ZNF791: variants seen among roughly 807,000 people sequenced by gnomAD.
ZNF791 encodes the protein zinc finger protein 791.
A neutral mutation model predicts 11.5 loss-of-function variants in ZNF791; 4 were observed. That is an observed-to-expected ratio of 0.35 (90% CI 0.17 to 0.80). ZNF791 has a LOEUF of 0.80. Among genes scored for constraint, ZNF791 ranks in the 30% least tolerant of loss-of-function variants. The probability of loss-of-function intolerance (pLI) is 0.53; values close to 1 mark genes in which losing one functional copy is unlikely to be tolerated. For missense variants in ZNF791, 559 were observed against 699.4 expected (o/e 0.80, Z 2.26); for synonymous variants, 212 against 228.1 (o/e 0.93, Z 0.64).
chr19:12,613,159 C>T (rs908935886), intron 1 of ZNF791, among the ~76,000 whole-genome samples: 2 of 151,532 alleles, frequency 1.3e-5, no homozygotes, highest in Admixed American at 6.6e-5. Context: ...GGGGTTTCAC[C>T]ATGTTGGCCA....
chr19:12,611,498 G>T (rs1377637737), intron 1 of ZNF791, among the ~76,000 whole-genome samples: 1 of 152,124 alleles, frequency 6.6e-6, no homozygotes, highest in African/African-American at 2.4e-5. Flanking sequence ...TTAATCCCTA[G>T]ATTTCCGGAT....
rs761895024 is a variant in ZNF791 at position 12,630,155 on chromosome 19, C to CAAA, written c.*911_*913dup. Reference sequence around the variant, plus strand: ...AGCATGGGTGACAGTGAGACTGTATCAAAAAAAAAAAAAAAAAATTGGCTG... The same window carrying CAAA: ...AGCATGGGTGACAGTGAGACTGTATCAAAAAAAAAAAAAAAAAAAAATTGGCTG... On this transcript the variant is annotated 3_prime_UTR_variant, in exon 4 of 4. Coordinates refer to ENST00000343325, the MANE Select transcript of ZNF791 (RefSeq NM_153358.3). 28,659 of 117,768 alleles carry CAAA rather than the reference C, an allele frequency of 0.24. 3,358 individuals carry two copies. The highest frequency in any genetic ancestry group is 0.29 in the Non-Finnish European group (16,400 of 55,986). 7.3% of individuals were successfully genotyped at this position (117,768 alleles called of 1,614,324 possible).
chr19:12,629,862 CA>C lies in ZNF791; in HGVS notation c.*623del, dbSNP rs917137699. The stretch of plus-strand genomic sequence containing the variant: ...CGGCCAACAGAGCGAGACTCTGTCT[CA>C]AAAAAAAAAAAAAAAAAAAAGTACA... On this transcript the variant is annotated 3_prime_UTR_variant, in exon 4 of 4. Transcript: ENST00000343325. The C allele has an allele frequency of 0.036, 2,046 of 56,878 alleles. 14 individuals are homozygous for C. Among genetic ancestry groups the C allele is most frequent in the African/African-American group, 0.055 (825 of 14,938 alleles). The allele number at this position is 56,878 out of a possible 1,614,324, so 3.5% of individuals were successfully genotyped here.
intron 3 of ZNF791, among the ~76,000 whole-genome samples, chr19:12,625,752 TC>T (rs1318604659): frequency 2.2e-5 from 3 of 136,176 alleles, no homozygotes; most frequent in African/African-American, 8.3e-5. Context: ...ACCACTACAC[TC>T]CAGCCTGGGC....
intron 1 of ZNF791, among the ~76,000 whole-genome samples, chr19:12,621,161 T>C (rs2145186163): frequency 6.6e-6 from 1 of 152,260 alleles, no homozygotes; most frequent in East Asian, 1.9e-4. Context: ...CCCCTGAAAA[T>C]TGATACTGTC....
Position 12,628,440 on chromosome 19 carries a change from A to C in ZNF791, c.911A>C (p.Gln304Pro). The part of the protein sequence containing the change: ...HTGEKPYKCK[Q>P]CGKAFRCSTS... Reference sequence around the variant, plus strand: ...GGAGAGAAACCCTATAAATGTAAACAATGTGGTAAAGCCTTCAGATGTTCC... The same window carrying C: ...GGAGAGAAACCCTATAAATGTAAACCATGTGGTAAAGCCTTCAGATGTTCC... Residue 304 changes from glutamine (Q) to proline (P), a missense_variant, in exon 4 of 4, where the codon CAA becomes CCA. By Grantham distance (76) the Gln-to-Pro change is moderately conservative. Coordinates refer to ENST00000343325, the MANE Select transcript of ZNF791 (RefSeq NM_153358.3). The C allele has an allele frequency of 6.2e-7, 1 of 1,610,712 alleles. No homozygotes were observed. Among genetic ancestry groups the C allele is most frequent in the Non-Finnish European group, 8.5e-7 (1 of 1,178,300 alleles).
chr19:12,613,522 A>T (rs1023310358), intron 1 of ZNF791, among the ~76,000 whole-genome samples: 1 of 152,128 alleles, frequency 6.6e-6, no homozygotes, highest in Non-Finnish European at 1.5e-5. Context: ...CGGAGCTTGC[A>T]GTGAGCCGAG....
chr19:12,615,012 CTTT>C (rs1180146927), intron 1 of ZNF791, among the ~76,000 whole-genome samples: 2 of 49,882 alleles, frequency 4.0e-5, no homozygotes, highest in East Asian at 4.3e-4. Flanking sequence ...CTATGTTCAA[CTTT>C]TTTTTTTTTT....
chr19:12,613,816 T>C (rs2023198633), intron 1 of ZNF791, among the ~76,000 whole-genome samples: 1 of 152,082 alleles, frequency 6.6e-6, no homozygotes, highest in African/African-American at 2.4e-5. Context: ...TGAAAGAAAC[T>C]GCAGAGCACT....
rs1372693787 is a variant in ZNF791, at chr19:12,621,738, C to T, written c.4-1962C>T. Among the ~76,000 whole-genome samples, 2 of 124,506 alleles carry T rather than the reference C, an allele frequency of 1.6e-5. 1 individual carries two copies. Among genetic ancestry groups the T allele is most frequent in the Non-Finnish European group, 3.5e-5 (2 of 56,622 alleles). 81.7% of individuals were successfully genotyped at this position (124,506 alleles called of 152,430 possible). A position where few individuals can be genotyped will look rare whatever the true frequency, so the allele number is the denominator to read the frequency against. ...TCGGTGGGGGGTCAGCCCCCCTGCC[C>T]GGCCAGCCGCCCCGTCCGGGAGGGA... On this transcript the variant is annotated intron_variant, in intron 1 of 3. Coordinates refer to ENST00000343325, the MANE Select transcript of ZNF791 (RefSeq NM_153358.3).
In ZNF791 at chr19:12,624,700, C is replaced by T. The variant is rs1043502429; in HGVS notation, c.181C>T (p.Arg61Ter). ...NVEDQHKNQGRNLRSHTGERL... is the reference protein window; with the variant it reads ...NVEDQHKNQG Reference sequence around the variant, plus strand: ...TGAAGATCAACACAAAAACCAAGGACGAAATCTAAGGTGAGTTGCACTCAC... The same window carrying T: ...TGAAGATCAACACAAAAACCAAGGATGAAATCTAAGGTGAGTTGCACTCAC... The change falls in exon 3 of 4, where the codon CGA becomes TGA. Residue 61 changes from arginine (R) to a stop codon, truncating the protein, a stop_gained. Coordinates refer to ENST00000343325, the MANE Select transcript of ZNF791 (RefSeq NM_153358.3). LOFTEE classifies it low-confidence loss of function (END_TRUNC). 6 of 1,606,832 alleles carry T rather than the reference C, an allele frequency of 3.7e-6. No individual in the cohort carries two copies. The highest frequency in any genetic ancestry group is 1.3e-5 in the African/African-American group (1 of 74,770).
chr19:12,625,208 C>T (rs535031308), intron 3 of ZNF791, among the ~76,000 whole-genome samples: 2 of 151,558 alleles, frequency 1.3e-5, no homozygotes, highest in Non-Finnish European at 2.9e-5. Context: ...GCAACCTCCA[C>T]CTCCCGGGAT....
rs1167194446 is a variant in ZNF791, at chr19:12,632,307, G to A, written c.*3047G>A. ...CTTTTAAAGACCAGTGTTAGTAGAA[G>A]TGTATTTTTAATATACAATTAGTTT... On this transcript the variant is annotated 3_prime_UTR_variant, in exon 4 of 4. Transcript: ENST00000343325. 6.6e-6 allele frequency: 1 copy of A among 151,854 alleles called. No homozygotes were observed. The highest frequency in any genetic ancestry group is 1.5e-5 in the Non-Finnish European group (1 of 67,984). The allele number at this position is 151,854 out of a possible 1,614,324, so 9.4% of individuals were successfully genotyped here.
At chr19:12,622,293 A>G (rs2023362410) in intron 1 of ZNF791, among the ~76,000 whole-genome samples, 1 of 143,506 alleles carries the variant, frequency 7.0e-6, no homozygotes, top group Non-Finnish European at 1.5e-5. Context: ...TCCCTCCACT[A>G]TTGTCCCATG....
At chr19:12,612,806 ATTTTTTTTTT>A (rs140336473) in intron 1 of ZNF791, among the ~76,000 whole-genome samples, 7 of 104,226 alleles carry the variant, frequency 6.7e-5, no homozygotes, top group African/African-American at 1.9e-4. Flanking sequence ...ATTCTGCTGG[ATTTTTTTTTT>A]TTTTTTTTTT....
rs1238954526 is a variant in ZNF791, at chr19:12,623,742, G to A, written c.46G>A (p.Glu16Lys). The A allele has an allele frequency of 2.5e-6, 4 of 1,614,086 alleles. No homozygotes were observed. The highest frequency in any genetic ancestry group is 3.4e-6 in the Non-Finnish European group (4 of 1,179,994). The change falls in exon 2 of 4, where the codon GAG (glutamate) becomes AAG (lysine). Residue 16 changes from glutamate (E) to lysine (K), a missense_variant. Transcript: ENST00000343325. Reference sequence around the variant, plus strand: ...GGATGTGTCTGTGAGCTTCAGCCAGGAGGAGTGGGCTCTGCTGGCTCCTTC... The same window carrying A: ...GGATGTGTCTGTGAGCTTCAGCCAGAAGGAGTGGGCTCTGCTGGCTCCTTC... ...FEDVSVSFSQ[E>K]EWALLAPSQK... is the part of the protein sequence containing the mutation.
rs556146413 is a variant in ZNF791 at position 12,614,519 on chromosome 19, G to T, written c.3+3437G>T. Among the ~76,000 whole-genome samples the T allele has an allele frequency of 5.3e-5, 8 of 152,150 alleles. No homozygotes were observed. The South Asian group carries it at 1.2e-3, about 24-fold the overall frequency. ...CACAAAGTGCTGAGATTACAGGTGT[G>T]AGCCACCACGCCAGGCCGGGGTTAC... On this transcript the variant is annotated intron_variant, in intron 1 of 3. Transcript: ENST00000343325.
At position 12,629,368 on chromosome 19, in the gene ZNF791, T is replaced by C. The variant is rs902844706; in HGVS notation, c.*108T>C. 11 of 840,088 alleles carry C rather than the reference T, an allele frequency of 1.3e-5. No individual in the cohort carries two copies. Among genetic ancestry groups the C allele is most frequent in the Middle Eastern group, 3.8e-4 (1 of 2,618 alleles). The allele number at this position is 840,088 out of a possible 1,614,324, so 52.0% of individuals were successfully genotyped here. On this transcript the variant is annotated 3_prime_UTR_variant, in exon 4 of 4. Transcript: ENST00000343325. ...AGAAATCCTGTCAATGTAAGTAATA[T>C]AGAAAGCGAGATACAAGATGATTCA...
chr19:12,615,552 G>A (rs907274675), intron 1 of ZNF791, among the ~76,000 whole-genome samples: 4 of 152,026 alleles, frequency 2.6e-5, no homozygotes, highest in African/African-American at 7.2e-5. Flanking sequence ...AGGCCGAGGC[G>A]GGCGGATCAC....
Sources: gnomAD v4.1 joint callset for allele counts (sites outside exome capture counted in the v4.1 genomes callset) on GRCh38, gnomAD v4.1.1 for gene constraint, MANE v1.5 for transcripts, NCBI Gene and HGNC (gene_info 2026-07-23, HGNC 2026-07-21) for gene names.